The following USP32 variants were observed in gnomAD, a reference collection of about 807,000 sequenced individuals.
USP32 encodes the protein ubiquitin carboxyl-terminal hydrolase 32.
Under a neutral mutation model 204.8 loss-of-function variants are expected in USP32, and 59 were observed. The ratio of observed to expected loss-of-function variants is 0.29; its 90% CI spans 0.23 to 0.36. The LOEUF is 0.36. USP32 is among the 10% of genes least tolerant of loss of function. The pLI, the probability that USP32 is intolerant of heterozygous loss-of-function variation, is 1.00. For missense variants in USP32, 1,160 were observed against 1,946.4 expected, an observed-to-expected ratio of 0.60 and a Z score of 7.60; for synonymous variants, 517 against 678.4, an observed-to-expected ratio of 0.76 and a Z score of 3.70.
intron 2 of USP32, among the ~76,000 whole-genome samples, chr17:60,334,653 C>G (rs2088474100): frequency 7.0e-6 from 1 of 142,772 alleles, no homozygotes; most frequent in African/African-American, 3.0e-5. Flanking sequence ...GATCGCGCCA[C>G]TGCACTCCAG....
intron 1 of USP32, among the ~76,000 whole-genome samples, chr17:60,361,200 C>T (rs1598285281): frequency 6.6e-6 from 1 of 152,250 alleles, no homozygotes; most frequent in Non-Finnish European, 1.5e-5. Flanking sequence ...TAAAATCCTA[C>T]TTACTTCCTC....
intron 1 of USP32, among the ~76,000 whole-genome samples, chr17:60,356,647 T>G (rs569067046): frequency 6.6e-6 from 1 of 152,166 alleles, no homozygotes; most frequent in South Asian, 2.1e-4. Context: ...AGCAAATAAA[T>G]AATAGCAGGA....
intron 5 of USP32, among the ~76,000 whole-genome samples, chr17:60,272,807 T>C (rs1325809884): frequency 6.6e-6 from 1 of 152,146 alleles, no homozygotes; most frequent in Non-Finnish European, 1.5e-5. Context: ...GTAAGGTAGC[T>C]GAAATTTGCA....
chr17:60,266,988 C>T lies in USP32; in HGVS notation c.812-897G>A, dbSNP rs370784919. Reference sequence around the variant, plus strand: ...ATTTTTAGTAGAGACGGGATTTCACCATGTTGGCCAGGCTGGTCTCAAACT... The same window carrying T: ...ATTTTTAGTAGAGACGGGATTTCACTATGTTGGCCAGGCTGGTCTCAAACT... On this transcript the variant is annotated intron_variant, in intron 7 of 33. Coordinates refer to ENST00000300896, the MANE Select transcript of USP32 (RefSeq NM_032582.4). 1.1e-4 allele frequency among the ~76,000 whole-genome samples: 16 copies of T among 149,288 alleles called. No individual in the cohort carries two copies. In the East Asian group the frequency reaches 1.6e-3, roughly 15 times the overall value.
At chr17:60,385,741 C>T (rs2089719626) in intron 1 of USP32, among the ~76,000 whole-genome samples, 1 of 150,728 alleles carries the variant, frequency 6.6e-6, no homozygotes, top group African/African-American at 2.4e-5. Context: ...ACTTGGAAGG[C>T]TGACGCATGA....
chr17:60,392,377 A>C (rs1006540091), upstream of USP32: 9 of 259,308 alleles, frequency 3.5e-5, no homozygotes, highest in African/African-American at 1.4e-4. Context: ...GCATCTCCGC[A>C]CGTAACGCAT....
chr17:60,353,649 G>A (rs2089003715), intron 1 of USP32, among the ~76,000 whole-genome samples: 2 of 152,148 alleles, frequency 1.3e-5, no homozygotes, highest in Admixed American at 6.5e-5. Flanking sequence ...GCTGAGGCAG[G>A]AGAATCGTTC....
intron 1 of USP32, among the ~76,000 whole-genome samples, chr17:60,346,992 A>G (rs1195857693): frequency 6.6e-6 from 1 of 152,188 alleles, no homozygotes; most frequent in Non-Finnish European, 1.5e-5. Flanking sequence ...AACTCAGATA[A>G]AAACTGCAGG....
At chr17:60,210,902 G>A in intron 21 of USP32, 111 bp downstream of exon 21, 1 of 1,436,174 alleles carries the variant, frequency 7.0e-7, no homozygotes, top group Non-Finnish European at 9.2e-7. Flanking sequence ...CCAAGTGAAG[G>A]ATCCAAAAAC....
chr17:60,323,668 G>C (rs754344911), intron 2 of USP32, among the ~76,000 whole-genome samples: 19 of 152,130 alleles, frequency 1.2e-4, no homozygotes, highest in Non-Finnish European at 2.5e-4. Context: ...TTAAAGCAAA[G>C]AACTGGTGTA....
intron 11 of USP32, among the ~76,000 whole-genome samples, chr17:60,247,663 G>C (rs1273109040): frequency 6.7e-6 from 1 of 150,228 alleles, no homozygotes; most frequent in Non-Finnish European, 1.5e-5. Flanking sequence ...GGTTTTGCTT[G>C]TTTGTTTGTT....
chr17:60,196,978 C>T (rs1461509250), intron 27 of USP32, among the ~76,000 whole-genome samples: 12 of 147,382 alleles, frequency 8.1e-5, no homozygotes, highest in Admixed American at 2.0e-4. Context: ...GCCAGGAGTT[C>T]GAGACCAGCC....
intron 9 of USP32, among the ~76,000 whole-genome samples, chr17:60,260,636 TTAG>T (rs779012990): frequency 6.6e-6 from 1 of 151,906 alleles, no homozygotes; most frequent in Non-Finnish European, 1.5e-5. Context: ...TGAAAGATGC[TTAG>T]TAAACATTTT....
rs544974585 is a variant in USP32 at position 60,328,965 on chromosome 17, G to A, written c.186+16516C>T. Among the ~76,000 whole-genome samples, 14 of 152,246 alleles carry A rather than the reference G, an allele frequency of 9.2e-5. No individual in the cohort carries two copies. The South Asian group carries it at 2.9e-3, about 32-fold the overall frequency. On this transcript the variant is annotated intron_variant, in intron 2 of 33. Coordinates refer to ENST00000300896, the MANE Select transcript of USP32 (RefSeq NM_032582.4). ...CGCCTGACTCACGCAGTCTCCCTTG[G>A]AGGCATGAGATCCAGGCTGGTAGTG... is the stretch of plus-strand genomic sequence containing the variant.
At chr17:60,367,570 G>C (rs1394532043) in intron 1 of USP32, among the ~76,000 whole-genome samples, 1 of 152,210 alleles carries the variant, frequency 6.6e-6, no homozygotes, top group Non-Finnish European at 1.5e-5. Flanking sequence ...CAGCACTTTG[G>C]CAGGCTGAGG....
intron 9 of USP32, among the ~76,000 whole-genome samples, chr17:60,263,391 T>G (rs1326308883): frequency 6.6e-6 from 1 of 151,974 alleles, no homozygotes; most frequent in African/African-American, 2.4e-5. Context: ...CAGAGAAGAG[T>G]TGGAAGTCAG....
chr17:60,212,840 G>A (rs1344267997), intron 18 of USP32, among the ~76,000 whole-genome samples: 6 of 151,242 alleles, frequency 4.0e-5, no homozygotes, highest in Non-Finnish European at 4.4e-5. Context: ...TGCAACCTCC[G>A]CCTCCTGGGC....
At chr17:60,204,014 C>T (rs1241664214) in intron 26 of USP32, among the ~76,000 whole-genome samples, 1 of 152,160 alleles carries the variant, frequency 6.6e-6, no homozygotes. Context: ...CCACTATACC[C>T]GAAGACTACC....
At chr17:60,192,695 GA>G in intron 28 of USP32, 148 bp downstream of exon 28, 1 of 963,880 alleles carries the variant, frequency 1.0e-6, no homozygotes. Context: ...AAAGTGATGG[GA>G]ATACAGGCGT....
Sources: allele counts gnomAD v4.1 joint callset (sites outside exome capture counted in the v4.1 genomes callset), GRCh38; gene constraint gnomAD v4.1.1; transcripts MANE v1.5; gene names NCBI Gene and HGNC (gene_info 2026-07-23, HGNC 2026-07-21).